TMEM63B: variants seen among roughly 807,000 people sequenced by gnomAD.
TMEM63B encodes the protein transmembrane protein 63B, also known as mechanosensitive cation channel TMEM63B.
A neutral mutation model predicts 102.6 loss-of-function variants in TMEM63B; 23 were observed. The ratio of observed to expected loss-of-function variants is 0.22; its 90% CI spans 0.16 to 0.32. The LOEUF (loss-of-function observed/expected upper bound fraction) is 0.32, where lower values mean the gene tolerates loss of function less well. Ranked by LOEUF, TMEM63B falls within the 10% of genes least tolerant of loss-of-function variation. The pLI, the probability that TMEM63B is intolerant of heterozygous loss-of-function variation, is 1.00. For synonymous variants in TMEM63B, 444 were observed against 437.0 expected (o/e 1.02, Z -0.20); for missense variants, 628 against 1,095.9 (o/e 0.57, Z 6.03).
At chr6:44,153,930 G>C (rs1767396991) in intron 21 of TMEM63B, 87 bp downstream of exon 21, 1 of 1,573,996 alleles carries the variant, frequency 6.4e-7, no homozygotes. Context: ...GCATGGCTGG[G>C]GGTGGCAGGC....
intron 5 of TMEM63B, among the ~76,000 whole-genome samples, chr6:44,137,098 G>T (rs1376731727): frequency 6.6e-6 from 1 of 152,230 alleles, no homozygotes; most frequent in Non-Finnish European, 1.5e-5. Flanking sequence ...TAGAAAAACA[G>T]AATCTGTCAT....
chr6:44,154,615 G>C (rs1322292703), intron 23 of TMEM63B, 77 bp from the exon 24 acceptor site: 1 of 1,496,112 alleles, frequency 6.7e-7, no homozygotes, highest in Non-Finnish European at 9.0e-7. Context: ...CCACTCTGCT[G>C]TCCTACATGC....
Position 44,151,685 on chromosome 6 carries a change from T to TG in TMEM63B, c.1674-155dup, listed in dbSNP as rs539028079. Among the ~76,000 whole-genome samples, 931 of 152,266 alleles carry TG rather than the reference T, an allele frequency of 6.1e-3. 9 individuals carry two copies. Among genetic ancestry groups the TG allele is most frequent in the Non-Finnish European group, 0.01 (689 of 68,012 alleles). ...TGTCTGTTGCCACTCTGTATGTCTC[T>TG]GGGGGGAACAGGGCACAGGTGCTTG... On this transcript the variant is annotated intron_variant, in intron 18 of 23. Coordinates refer to ENST00000323267, the MANE Select transcript of TMEM63B (RefSeq NM_018426.3).
At chr6:44,128,737 C>T (rs1179122584) in intron 1 of TMEM63B, among the ~76,000 whole-genome samples, 1 of 152,198 alleles carries the variant, frequency 6.6e-6, no homozygotes, top group African/African-American at 2.4e-5. Context: ...GCCCATCCTG[C>T]CTCCCAGGCC....
intron 1 of TMEM63B, 90 bp from the exon 2 acceptor site, chr6:44,134,471 C>A: frequency 7.3e-7 from 1 of 1,366,872 alleles, no homozygotes; most frequent in Non-Finnish European, 9.9e-7. Flanking sequence ...GCCTGGTGAT[C>A]TGTCCTCACT....
chr6:44,140,436 C>T (rs1763994001), intron 9 of TMEM63B, 76 bp downstream of exon 9: 1 of 1,234,402 alleles, frequency 8.1e-7, no homozygotes, highest in Admixed American at 1.9e-5. Context: ...TCTTTTGTCT[C>T]AGCCCCAAGA....
chr6:44,154,543 C>G (rs866763777), intron 23 of TMEM63B, 98 bp downstream of exon 23: 4 of 1,534,972 alleles, frequency 2.6e-6, no homozygotes, highest in Admixed American at 3.5e-5. Context: ...GTGCCAGACC[C>G]CATGGGGGCG....
At chr6:44,141,790 G>A (rs1439022467) in intron 10 of TMEM63B, among the ~76,000 whole-genome samples, 2 of 152,188 alleles carry the variant, frequency 1.3e-5, no homozygotes, top group African/African-American at 4.8e-5. Context: ...CTCAAGTGCT[G>A]TTAGTCATAA....
chr6:44,146,898 G>A lies in TMEM63B; in HGVS notation c.834G>A (p.Val278=). The change falls in exon 11 of 24, where the codon GTG becomes GTA. Residue 278 remains valine (V), a synonymous_variant. Transcript: ENST00000323267. ...TVLEARPCYN[V]ARLMFLDAER... is the part of the protein sequence containing the mutation. ...TCGAAGCCCGCCCGTGTTACAACGT[G>A]GCTCGCCTAATGTTCCTCGATGCAG... 6.2e-7 allele frequency: 1 copy of A among 1,614,080 alleles called. No individual in the cohort carries two copies. Among genetic ancestry groups the A allele is most frequent in the Non-Finnish European group, 8.5e-7 (1 of 1,179,984 alleles).
In TMEM63B at chr6:44,154,591, C is replaced by T. The variant is rs1371132845; in HGVS notation, c.2308-101C>T. The T allele has an allele frequency of 1.0e-4, 145 of 1,456,216 alleles. No homozygotes were observed. In the East Asian group the frequency reaches 3.3e-3, roughly 33 times the overall value. The allele number at this position is 1,456,216 out of a possible 1,614,324, so 90.2% of individuals were successfully genotyped here. ...GTCTCCCTGGAGGGCTGCCCCCGCC[C>T]CCCAGGGCCCTGCCCACTCTGCTGT... is the stretch of plus-strand genomic sequence containing the variant. On this transcript the variant is annotated intron_variant, in intron 23 of 23. Transcript: ENST00000323267.
In TMEM63B at chr6:44,134,881, G is replaced by T. The variant is rs988908763; in HGVS notation, c.160-136G>T. On this transcript the variant is annotated intron_variant, in intron 2 of 23. Coordinates refer to ENST00000323267, the MANE Select transcript of TMEM63B (RefSeq NM_018426.3). ...GAGGAGTCCCCATCATCCAGCCCAAGCCTCGCCTTTGACCATTCACCCAAG... is the reference window on the plus strand; with the variant it reads ...GAGGAGTCCCCATCATCCAGCCCAATCCTCGCCTTTGACCATTCACCCAAG... 44 of 1,492,488 alleles carry T rather than the reference G, an allele frequency of 2.9e-5. No individual in the cohort carries two copies. The East Asian group carries it at 1.0e-3, about 34-fold the overall frequency. 92.5% of individuals were successfully genotyped at this position (1,492,488 alleles called of 1,614,324 possible).
At chr6:44,132,830 T>A (rs1401348113) in intron 1 of TMEM63B, among the ~76,000 whole-genome samples, 3 of 152,174 alleles carry the variant, frequency 2.0e-5, no homozygotes, top group Non-Finnish European at 4.4e-5. Context: ...TAATGAGCAT[T>A]TATAAAGCTT....
At chr6:44,127,417 TC>T (rs996259982), upstream of TMEM63B, 13 of 151,924 alleles carry the variant, frequency 8.6e-5, no homozygotes, top group South Asian at 4.1e-4. Flanking sequence ...CGCGGCCTCT[TC>T]CTAGCGCCTG....
intron 15 of TMEM63B, chr6:44,149,243 A>C: frequency 2.1e-6 from 1 of 474,016 alleles, no homozygotes; most frequent in Non-Finnish European, 3.9e-6. Flanking sequence ...TAACTGAAAA[A>C]ATGGAAAGGT....
Position 44,147,499 on chromosome 6 carries a change from A to G in TMEM63B, c.986A>G (p.Gln329Arg). Residue 329 changes from glutamine to arginine, a missense_variant and splice_region_variant, in exon 12 of 24, where the codon CAG (glutamine) becomes CGG (arginine). By Grantham distance (43) the Gln-to-Arg change is conservative. Around this residue, in one of 6 missense-constraint regions of TMEM63B, gnomAD observed 336 missense variants for 580.3 expected, o/e 0.58. Transcript: ENST00000323267. Reference protein sequence around the residue: ...LCCCVVRGCEQVEAIEYYTKL... With the variant: ...LCCCVVRGCERVEAIEYYTKL... ...TGCTGTGTGGTGCGAGGCTGTGAGC[A>G]GGTATGACGCGGGCTGGCTGTTGAG... 2 of 1,614,126 alleles carry G rather than the reference A, an allele frequency of 1.2e-6. No individual in the cohort carries two copies. The highest frequency in any genetic ancestry group is 1.7e-6 in the Non-Finnish European group (2 of 1,179,996).
Position 44,155,158 on chromosome 6 carries a change from G to A in TMEM63B, c.*275G>A. ...AGTACCCCCCACCCCTCCCCAGCTA[G>A]TAGCATGACCAGGAGAGGGTTAATG... On this transcript the variant is annotated 3_prime_UTR_variant, in exon 24 of 24. Coordinates refer to ENST00000323267, the MANE Select transcript of TMEM63B (RefSeq NM_018426.3). 3.7e-6 allele frequency: 1 copy of A among 269,628 alleles called. No homozygotes were observed. Among genetic ancestry groups the A allele is most frequent in the Non-Finnish European group, 7.0e-6 (1 of 143,720 alleles). The allele number at this position is 269,628 out of a possible 1,614,324, so 16.7% of individuals were successfully genotyped here.
intron 6 of TMEM63B, chr6:44,138,736 G>GTCC (rs567563400): frequency 4.5e-5 from 13 of 288,682 alleles, no homozygotes; most frequent in East Asian, 1.2e-4. Context: ...CCCCCTGCCG[G>GTCC]CCCCCCCGCT....
chr6:44,148,388 G>T lies in TMEM63B; in HGVS notation c.1121+3G>T. On this transcript the variant is annotated splice_donor_region_variant and intron_variant, in intron 13 of 23. Transcript: ENST00000323267. The surrounding 1 kb of genome is among the most constrained non-coding windows in gnomAD (Gnocchi z 5.1). ...CACAATGAGACTATCACCGCCATGT[G>T]AGTCCCCAACTCGGCCCTCGGCCCT... 1 of 1,614,256 alleles carries T rather than the reference G, an allele frequency of 6.2e-7. No homozygotes were observed. The highest frequency in any genetic ancestry group is 8.5e-7 in the Non-Finnish European group (1 of 1,180,044).
chr6:44,142,299 C>G (rs1027533612), intron 10 of TMEM63B, among the ~76,000 whole-genome samples: 1 of 149,856 alleles, frequency 6.7e-6, no homozygotes, highest in Non-Finnish European at 1.5e-5. Context: ...CATTGAGGGC[C>G]GGGAGTTTGA....
Sources: gnomAD v4.1 joint callset for allele counts (sites outside exome capture counted in the v4.1 genomes callset) on GRCh38, gnomAD v4.1.1 for gene constraint, gnomAD v4.1.1 regional missense constraint, Gnocchi (gnomAD v3.1) non-coding constraint, MANE v1.5 for transcripts, NCBI Gene and HGNC (gene_info 2026-07-23, HGNC 2026-07-21) for gene names.